Variants in CFI observed in about 807,000 individuals in gnomAD.
CFI encodes the protein C3B/C4B inactivator.
CFI carries 66 observed loss-of-function variants against 78.8 expected under a neutral mutation model. The ratio of observed to expected loss-of-function variants is 0.84; its 90% CI spans 0.69 to 1.03. The LOEUF (loss-of-function observed/expected upper bound fraction) is 1.03, where lower values mean the gene tolerates loss of function less well. CFI is among the 50% of genes least tolerant of loss of function. The probability of loss-of-function intolerance (pLI) is 0.00; values close to 1 mark genes in which losing one functional copy is unlikely to be tolerated. For synonymous variants in CFI, 250 were observed against 232.6 expected (o/e 1.07, Z -0.68); for missense variants, 706 against 704.5 (o/e 1.00, Z -0.02).
intron 1 of CFI, among the ~76,000 whole-genome samples, chr4:109,768,841 T>G (rs1174125061): frequency 2.0e-5 from 3 of 152,178 alleles, no homozygotes; most frequent in Non-Finnish European, 2.9e-5. Context: ...TTGCAAGGAT[T>G]GTCAAAGTCA....
intron 11 of CFI, among the ~76,000 whole-genome samples, chr4:109,743,641 C>A (rs17040805): frequency 0.081 from 12,368 of 152,144 alleles, 695 homozygotes; most frequent in African/African-American, 0.15. Context: ...ATGTGTTAAA[C>A]CTTTGATCAT....
intron 1 of CFI, among the ~76,000 whole-genome samples, chr4:109,774,676 T>C (rs551684224): frequency 2.1e-4 from 32 of 152,258 alleles, no homozygotes; most frequent in Middle Eastern, 3.4e-3. Flanking sequence ...CTCCAGTGTG[T>C]AGAGGTTGAG....
At chr4:109,784,423 T>C (rs1730492692) in intron 1 of CFI, among the ~76,000 whole-genome samples, 1 of 152,054 alleles carries the variant, frequency 6.6e-6, no homozygotes, top group Admixed American at 6.6e-5. Context: ...GAGTTTTTCT[T>C]TTAAGATAGA....
intron 1 of CFI, among the ~76,000 whole-genome samples, chr4:109,800,330 T>G (rs1216483946): frequency 7.5e-6 from 1 of 133,048 alleles, no homozygotes; most frequent in East Asian, 2.1e-4. Context: ...TGTTTTTTTT[T>G]TTTTTTTTTT....
At chr4:109,747,557 G>A (rs1344995062) in intron 10 of CFI, among the ~76,000 whole-genome samples, 1 of 152,060 alleles carries the variant, frequency 6.6e-6, no homozygotes, top group African/African-American at 2.4e-5. Context: ...TTATAGCTTA[G>A]TTTTTTTGGT....
intron 1 of CFI, among the ~76,000 whole-genome samples, chr4:109,800,448 CA>C: frequency 1.3e-5 from 2 of 148,868 alleles, no homozygotes; most frequent in East Asian, 4.1e-4. Context: ...CCTCTTGCCT[CA>C]GCCTCCCAAA....
intron 1 of CFI, among the ~76,000 whole-genome samples, chr4:109,781,995 A>G (rs1041852617): frequency 6.6e-6 from 1 of 152,068 alleles, no homozygotes; most frequent in Non-Finnish European, 1.5e-5. Flanking sequence ...AAATCGGCAT[A>G]CAAGGGGCAT....
downstream of CFI, among the ~76,000 whole-genome samples, chr4:109,735,898 G>A (rs1194333672): frequency 6.6e-6 from 1 of 152,230 alleles, no homozygotes; most frequent in Non-Finnish European, 1.5e-5. Flanking sequence ...AGGATACAGA[G>A]GCAGAGCAAT....
At chr4:109,745,763 T>A (rs919107980) in intron 11 of CFI, among the ~76,000 whole-genome samples, 4 of 152,112 alleles carry the variant, frequency 2.6e-5, no homozygotes, top group Admixed American at 1.3e-4. Flanking sequence ...GTAAACCTTT[T>A]TATCTTTTAC....
intron 1 of CFI, among the ~76,000 whole-genome samples, chr4:109,796,969 G>T (rs1409509501): frequency 1.3e-5 from 2 of 152,166 alleles, no homozygotes; most frequent in African/African-American, 2.4e-5. Context: ...TTCACTGAAA[G>T]AATTAATATT....
At chr4:109,739,740 C>T (rs564426709), downstream of CFI, among the ~76,000 whole-genome samples, 6 of 152,154 alleles carry the variant, frequency 3.9e-5, no homozygotes, top group East Asian at 1.9e-4. Context: ...GGATTTAAAA[C>T]GTAGTCTAGA....
At chr4:109,753,514 AAATAAATATTTAT>A (rs1264935330) in intron 7 of CFI, among the ~76,000 whole-genome samples, 2 of 15,948 alleles carry the variant, frequency 1.3e-4, no homozygotes, top group African/African-American at 2.9e-4. Context: ...TTTATTATAT[AAATAAATATTTAT>A]AATAAATATT....
chr4:109,763,941 T>G (rs953121229), intron 3 of CFI, among the ~76,000 whole-genome samples: 2 of 149,240 alleles, frequency 1.3e-5, no homozygotes, highest in African/African-American at 4.9e-5. Flanking sequence ...GAAGATATTC[T>G]GAACCAAACA....
chr4:109,746,732 A>G (rs1724512069), intron 10 of CFI, among the ~76,000 whole-genome samples: 1 of 152,242 alleles, frequency 6.6e-6, no homozygotes, highest in Non-Finnish European at 1.5e-5. Context: ...TATGAGGAAC[A>G]TAAAGAACAC....
In CFI at chr4:109,753,249, T is replaced by TATATATTTATA. The variant is rs1725477443; in HGVS notation, c.905-747_905-746insTATAAATATAT. Among the ~76,000 whole-genome samples the TATATATTTATA allele has an allele frequency of 1.0e-3, 5 of 4,936 alleles. 2 individuals are homozygous for TATATATTTATA. The highest frequency in any genetic ancestry group is 8.0e-4 in the African/African-American group (3 of 3,730). The allele number at this position is 4,936 out of a possible 152,430, so 3.2% of individuals were successfully genotyped here. A position where few individuals can be genotyped will look rare whatever the true frequency, so the allele number is the denominator to read the frequency against. ...TTATAATATAAATAAATATTTATAA[T>TATATATTTATA]ATATATTTATTATATAATAAATATT... On this transcript the variant is annotated intron_variant, in intron 7 of 12. Coordinates refer to ENST00000394634, the MANE Select transcript of CFI (RefSeq NM_000204.5).
At chr4:109,760,208 GA>G in intron 6 of CFI, 61 bp downstream of exon 6, 2 of 1,175,208 alleles carry the variant, frequency 1.7e-6, no homozygotes, top group Non-Finnish European at 2.6e-6. Context: ...TTTACCTAAA[GA>G]AAAGTTTCAG....
chr4:109,757,269 C>T (rs1726437704), intron 7 of CFI, among the ~76,000 whole-genome samples: 1 of 143,180 alleles, frequency 7.0e-6, no homozygotes, highest in Non-Finnish European at 1.6e-5. Flanking sequence ...CTCCTGACCT[C>T]GTGATCCACC....
chr4:109,780,228 A>G (rs1729822891), intron 1 of CFI, among the ~76,000 whole-genome samples: 1 of 152,174 alleles, frequency 6.6e-6, no homozygotes, highest in African/African-American at 2.4e-5. Context: ...AATGGGAGAA[A>G]ATTTTTGCAA....
At chr4:109,796,590 C>T (rs945869464) in intron 1 of CFI, among the ~76,000 whole-genome samples, 5 of 152,124 alleles carry the variant, frequency 3.3e-5, no homozygotes, top group Admixed American at 6.5e-5. Flanking sequence ...TCCTTTGAGG[C>T]CAGGAGTTTG....
Sources: allele counts gnomAD v4.1 joint callset (sites outside exome capture counted in the v4.1 genomes callset), GRCh38; gene constraint gnomAD v4.1.1; transcripts MANE v1.5; gene names NCBI Gene and HGNC (gene_info 2026-07-23, HGNC 2026-07-21).